Variants in ROBO2 observed in about 807,000 individuals in gnomAD.
The protein encoded by ROBO2 is roundabout guidance receptor 2.
Under a neutral mutation model 160.8 loss-of-function variants are expected in ROBO2, and 53 were observed. That is an observed-to-expected ratio of 0.33 (90% CI 0.26 to 0.41). The LOEUF (loss-of-function observed/expected upper bound fraction) is 0.41. ROBO2 is among the 10% of genes least tolerant of loss of function. ROBO2 has a pLI of 1.00. For synonymous variants in ROBO2, 664 were observed against 611.7 expected, an observed-to-expected ratio of 1.09 and a Z score of -1.26; for missense variants, 1,577 against 1,722.4, an observed-to-expected ratio of 0.92 and a Z score of 1.49.
intron 2 of ROBO2, 118 bp from the exon 3 acceptor site, chr3:77,477,296 T>G (rs924300276): frequency 9.7e-7 from 1 of 1,030,492 alleles, no homozygotes; most frequent in East Asian, 2.4e-5. Flanking sequence ...ATGTTCTCAG[T>G]AAAAATCCAG....
intron 2 of ROBO2, among the ~76,000 whole-genome samples, chr3:76,298,185 G>C (rs1207129333): frequency 2.0e-5 from 3 of 152,154 alleles, no homozygotes; most frequent in Non-Finnish European, 4.4e-5. Context: ...AAAATGTAGT[G>C]ACTATTCTGT....
intron 2 of ROBO2, among the ~76,000 whole-genome samples, chr3:77,321,755 G>T (rs2064725570): frequency 6.6e-6 from 1 of 152,054 alleles, no homozygotes; most frequent in African/African-American, 2.4e-5. Flanking sequence ...GAAATACAAG[G>T]ACAACTAAGA....
intron 2 of ROBO2, among the ~76,000 whole-genome samples, chr3:77,237,445 G>GTGTGTGTC (rs1553862748): frequency 6.8e-6 from 1 of 147,026 alleles, no homozygotes; most frequent in Non-Finnish European, 1.5e-5. Context: ...GTGTGTGTGT[G>GTGTGTGTC]GTGGTGATAA....
At chr3:76,979,983 C>G (rs949022934) in intron 2 of ROBO2, among the ~76,000 whole-genome samples, 2 of 151,776 alleles carry the variant, frequency 1.3e-5, no homozygotes, top group Non-Finnish European at 2.9e-5. Flanking sequence ...GCTGAATTGT[C>G]TGCTGAGCTT....
At chr3:76,798,167 AAAGG>A (rs1281107061) in intron 2 of ROBO2, among the ~76,000 whole-genome samples, 15 of 131,830 alleles carry the variant, frequency 1.1e-4, no homozygotes, top group African/African-American at 4.5e-4. Flanking sequence ...AGAAAGAAAG[AAAGG>A]GAGAGAAAGA....
chr3:77,465,169 T>C (rs559880904), intron 2 of ROBO2, among the ~76,000 whole-genome samples: 1 of 152,190 alleles, frequency 6.6e-6, no homozygotes, highest in South Asian at 2.1e-4. Context: ...ATATGGTGCA[T>C]GAAAAAAGCC....
intron 2 of ROBO2, among the ~76,000 whole-genome samples, chr3:76,518,267 A>G (rs977973788): frequency 3.9e-5 from 6 of 152,210 alleles, no homozygotes; most frequent in South Asian, 2.1e-4. Flanking sequence ...CAAGGTGTCC[A>G]CTGGGAGTTG....
At chr3:77,288,340 A>C (rs1161385065) in intron 2 of ROBO2, among the ~76,000 whole-genome samples, 1 of 152,172 alleles carries the variant, frequency 6.6e-6, no homozygotes, top group Non-Finnish European at 1.5e-5. Context: ...TTCTCTGTAG[A>C]GTAGTTGATG....
At chr3:76,840,131 C>T (rs1412944693) in intron 2 of ROBO2, among the ~76,000 whole-genome samples, 1 of 151,758 alleles carries the variant, frequency 6.6e-6, no homozygotes, top group African/African-American at 2.4e-5. Context: ...CTTTTCAAAA[C>T]CCAACTTTTT....
chr3:77,069,973 G>A (rs1409905868), intron 1 of ROBO2, among the ~76,000 whole-genome samples: 3 of 152,028 alleles, frequency 2.0e-5, no homozygotes, highest in Non-Finnish European at 2.9e-5. Context: ...ATTTTAAAAG[G>A]GTCATTATCA....
At chr3:76,016,997 C>A (rs1003170719) in intron 2 of ROBO2, among the ~76,000 whole-genome samples, 69 of 151,860 alleles carry the variant, frequency 4.5e-4, no homozygotes, top group African/African-American at 1.6e-3. Flanking sequence ...CATGAGGTTT[C>A]AGAAAAAAAG....
At chr3:76,151,810 T>C (rs1057335001) in intron 2 of ROBO2, among the ~76,000 whole-genome samples, 13 of 152,126 alleles carry the variant, frequency 8.5e-5, no homozygotes, top group African/African-American at 2.9e-4. Context: ...GTTATTATTA[T>C]GTATCATCAT....
chr3:77,568,559 T>C, intron 13 of ROBO2, 125 bp downstream of exon 14: 3 of 1,103,002 alleles, frequency 2.7e-6, no homozygotes, highest in Non-Finnish European at 4.1e-6. Flanking sequence ...GTGTAATCAA[T>C]GATAGTAAAG....
intron 2 of ROBO2, among the ~76,000 whole-genome samples, chr3:76,745,095 C>A (rs1215847066): frequency 6.6e-6 from 1 of 152,040 alleles, no homozygotes; most frequent in Non-Finnish European, 1.5e-5. Context: ...ATTTGTCTTT[C>A]CTTAAGTATA....
intron 2 of ROBO2, among the ~76,000 whole-genome samples, chr3:76,062,723 A>G (rs2068110035): frequency 6.6e-6 from 1 of 152,188 alleles, no homozygotes; most frequent in Admixed American, 6.5e-5. Context: ...AAAAGCATGA[A>G]CAGTGTTAGC....
At chr3:77,546,024 C>T (rs2092684178) in intron 6 of ROBO2, among the ~76,000 whole-genome samples, 1 of 152,014 alleles carries the variant, frequency 6.6e-6, no homozygotes, top group Admixed American at 6.6e-5. Context: ...GCAGAACCAA[C>T]TTGAAAATCC....
intron 2 of ROBO2, among the ~76,000 whole-genome samples, chr3:77,323,242 C>G (rs934510757): frequency 1.3e-5 from 2 of 151,456 alleles, no homozygotes; most frequent in Admixed American, 1.3e-4. Context: ...CCTTTACATA[C>G]TCAAGGATTT....
At chr3:77,569,464 T>C (rs1177309572) in intron 13 of ROBO2, among the ~76,000 whole-genome samples, 1 of 152,046 alleles carries the variant, frequency 6.6e-6, no homozygotes, top group East Asian at 1.9e-4. Context: ...GAACTTTTTT[T>C]TTAGAGAAAT....
At chr3:77,324,200 A>G (rs1373214846) in intron 2 of ROBO2, among the ~76,000 whole-genome samples, 2 of 152,298 alleles carry the variant, frequency 1.3e-5, no homozygotes, top group Middle Eastern at 3.4e-3. Context: ...GCAAAAGATC[A>G]GATCCAGTTA....
Sources: allele counts gnomAD v4.1 joint callset (sites outside exome capture counted in the v4.1 genomes callset), GRCh38; gene constraint gnomAD v4.1.1; transcripts MANE v1.5; gene names NCBI Gene and HGNC (gene_info 2026-07-23, HGNC 2026-07-21).